The following NUBPL variants were observed in gnomAD, a reference collection of about 807,000 sequenced individuals.
NUBPL encodes iron-sulfur cluster transfer protein NUBPL.
In NUBPL, 31 loss-of-function variants were observed where a neutral mutation model predicts 45.7. The ratio of observed to expected loss-of-function variants is 0.68; its 90% confidence interval spans 0.51 to 0.92. NUBPL has a LOEUF of 0.92. Ranked by LOEUF, NUBPL falls within the 40% of genes least tolerant of loss-of-function variation. The pLI, the probability that NUBPL is intolerant of heterozygous loss-of-function variation, is 0.00. For missense variants in NUBPL, 401 were observed against 398.7 expected (o/e 1.01, Z -0.05); for synonymous variants, 144 against 140.9 (o/e 1.02, Z -0.15).
At chr14:31,745,861 C>T (rs558628060) in intron 6 of NUBPL, among the ~76,000 whole-genome samples, 3 of 152,074 alleles carry the variant, frequency 2.0e-5, no homozygotes, top group African/African-American at 7.3e-5. Flanking sequence ...ACGCTGAAAA[C>T]AGCCTCCTAA....
At chr14:31,597,552 G>T (rs550608316) in intron 3 of NUBPL, among the ~76,000 whole-genome samples, 1 of 152,180 alleles carries the variant, frequency 6.6e-6, no homozygotes, top group Admixed American at 6.5e-5. Context: ...ACTTAGTTAT[G>T]TTCTTGTTTC....
At chr14:31,589,828 T>C (rs1354512113) in intron 3 of NUBPL, among the ~76,000 whole-genome samples, 1 of 152,168 alleles carries the variant, frequency 6.6e-6, no homozygotes, top group African/African-American at 2.4e-5. Flanking sequence ...AGTAGCAATA[T>C]TGTTAGCAAT....
intron 6 of NUBPL, among the ~76,000 whole-genome samples, chr14:31,763,655 G>C (rs767585982): frequency 2.0e-5 from 3 of 152,154 alleles, no homozygotes; most frequent in Non-Finnish European, 4.4e-5. Flanking sequence ...GAATTACTGA[G>C]AGTATGTCTT....
chr14:31,745,634 G>A (rs565199369), intron 6 of NUBPL, among the ~76,000 whole-genome samples: 2 of 151,962 alleles, frequency 1.3e-5, no homozygotes, highest in African/African-American at 4.8e-5. Flanking sequence ...TGTTGATTTT[G>A]TATCCTGTTA....
In NUBPL at chr14:31,859,278, A is replaced by G; in HGVS notation, c.*98A>G. 1 of 941,438 alleles carries G rather than the reference A, an allele frequency of 1.1e-6. No homozygotes were observed. Among genetic ancestry groups the G allele is most frequent in the Non-Finnish European group, 1.7e-6 (1 of 579,112 alleles). The allele number at this position is 941,438 out of a possible 1,614,324, so 58.3% of individuals were successfully genotyped here. On this transcript the variant is annotated 3_prime_UTR_variant, in exon 11 of 11. Transcript: ENST00000281081. ...GGAACCTACAGAAATAATAGAAATC[A>G]TAACTGTTTTATTTCTAAGGAAAGA...
At chr14:31,848,473 G>A (rs561509177) in intron 9 of NUBPL, among the ~76,000 whole-genome samples, 8 of 152,120 alleles carry the variant, frequency 5.3e-5, no homozygotes, top group East Asian at 1.9e-4. Flanking sequence ...TATTTGGTAC[G>A]ATAGCTCTTG....
intron 3 of NUBPL, among the ~76,000 whole-genome samples, chr14:31,583,466 A>C (rs1172516216): frequency 7.2e-5 from 11 of 152,226 alleles, no homozygotes. Context: ...ATTTATTTAC[A>C]TCTGTGATAA....
At chr14:31,630,265 T>C (rs991398515) in intron 4 of NUBPL, among the ~76,000 whole-genome samples, 15 of 152,314 alleles carry the variant, frequency 9.8e-5, no homozygotes, top group African/African-American at 3.4e-4. Context: ...TACCTTTGTG[T>C]TTATTTTGGG....
At chr14:31,770,737 A>G (rs900241805) in intron 6 of NUBPL, among the ~76,000 whole-genome samples, 1 of 152,198 alleles carries the variant, frequency 6.6e-6, no homozygotes, top group Admixed American at 6.5e-5. Flanking sequence ...TTTCTCCTAA[A>G]GTTAGCTTGG....
chr14:31,599,083 C>T (rs1189501831), intron 3 of NUBPL, among the ~76,000 whole-genome samples: 1 of 152,034 alleles, frequency 6.6e-6, no homozygotes, highest in African/African-American at 2.4e-5. Flanking sequence ...ATTAGTAAAT[C>T]GTAAAAAGTA....
At position 31,561,462 on chromosome 14, in the gene NUBPL, T is replaced by C; in HGVS notation, c.23T>C (p.Leu8Pro). 1 of 1,419,776 alleles carries C rather than the reference T, an allele frequency of 7.0e-7. No individual in the cohort carries two copies. Among genetic ancestry groups the C allele is most frequent in the Non-Finnish European group, 9.3e-7 (1 of 1,077,144 alleles). The allele number at this position is 1,419,776 out of a possible 1,614,324, so 87.9% of individuals were successfully genotyped here. The stretch of plus-strand genomic sequence containing the variant: ...GTCATGGGGATTTGGCAGCGTCTGC[T>C]GCTTTTTGGTGGGGTGTCGCTCCGG... The part of the protein sequence containing the change: MGIWQRL[L>P]LFGGVSLRAG... Residue 8 changes from leucine to proline, a missense_variant, in exon 1 of 11, where the codon CTG (leucine) becomes CCG (proline). Coordinates refer to ENST00000281081, the MANE Select transcript of NUBPL (RefSeq NM_025152.3).
intron 6 of NUBPL, among the ~76,000 whole-genome samples, chr14:31,780,063 A>AT (rs368438625): frequency 1.9e-3 from 274 of 144,194 alleles, no homozygotes; most frequent in East Asian, 3.6e-3. Context: ...GAGAGAGCAC[A>AT]TTTTTTTTTT....
In NUBPL at chr14:31,621,517, C is replaced by T. The variant is rs927743865; in HGVS notation, c.382+22138C>T. ...CACAGTTCCTCTTGGTACAGTCTCT[C>T]ACCACTTCCCTTGGCTGGGGGAGGG... is the stretch of plus-strand genomic sequence containing the variant. On this transcript the variant is annotated intron_variant, in intron 4 of 10. Coordinates refer to ENST00000281081, the MANE Select transcript of NUBPL (RefSeq NM_025152.3). 1.1e-4 allele frequency among the ~76,000 whole-genome samples: 16 copies of T among 152,260 alleles called. No individual in the cohort carries two copies. In the East Asian group the frequency reaches 2.1e-3, roughly 20 times the overall value.
At chr14:31,651,799 T>C (rs2036012394) in intron 4 of NUBPL, among the ~76,000 whole-genome samples, 1 of 150,820 alleles carries the variant, frequency 6.6e-6, no homozygotes, top group Admixed American at 6.6e-5. Flanking sequence ...CTCAGGAGGC[T>C]GAGGTAGGAG....
At position 31,751,203 on chromosome 14, in the gene NUBPL, C is replaced by T. The variant is rs572429173; in HGVS notation, c.514-36577C>T. Among the ~76,000 whole-genome samples the T allele has an allele frequency of 3.3e-5, 5 of 152,326 alleles. No individual in the cohort carries two copies. In the South Asian group the frequency reaches 1.0e-3, roughly 32 times the overall value. ...TTGGCCCCTGGTCCCTCCCAAATCT[C>T]ATGTCCTTTTCACATTTTGAAATGC... is the stretch of plus-strand genomic sequence containing the variant. On this transcript the variant is annotated intron_variant, in intron 6 of 10. Transcript: ENST00000281081.
chr14:31,819,272 G>A (rs2039976009), intron 7 of NUBPL, among the ~76,000 whole-genome samples: 1 of 152,134 alleles, frequency 6.6e-6, no homozygotes, highest in Admixed American at 6.5e-5. Context: ...TTTGATGCAA[G>A]TATATTTCTA....
intron 7 of NUBPL, among the ~76,000 whole-genome samples, chr14:31,820,842 C>A (rs1489623479): frequency 1.4e-5 from 2 of 145,170 alleles, no homozygotes; most frequent in Admixed American, 1.4e-4. Context: ...AAAAAAAGGC[C>A]CAGCGCATTG....
At chr14:31,623,347 A>C (rs753899316) in intron 4 of NUBPL, among the ~76,000 whole-genome samples, 1 of 152,162 alleles carries the variant, frequency 6.6e-6, no homozygotes, top group Non-Finnish European at 1.5e-5. Context: ...TGGACTTCTG[A>C]GTTAATGCTG....
rs138945407 is a variant in NUBPL, at chr14:31,591,530, A to G, written c.292-7759A>G. Among the ~76,000 whole-genome samples the G allele has an allele frequency of 2.9e-3, 436 of 151,816 alleles. 2 individuals are homozygous for G. Among genetic ancestry groups the G allele is most frequent in the African/African-American group, 9.8e-3 (406 of 41,410 alleles). On this transcript the variant is annotated intron_variant, in intron 3 of 10. Transcript: ENST00000281081. The stretch of plus-strand genomic sequence containing the variant: ...TAATAGATTTTCTTTCATGAAGTCT[A>G]TTTTTTTTGGAGTTGAGGCCAGTAG...
Sources: gnomAD v4.1 joint callset for allele counts (sites outside exome capture counted in the v4.1 genomes callset) on GRCh38, gnomAD v4.1.1 for gene constraint, MANE v1.5 for transcripts, NCBI Gene and HGNC (gene_info 2026-07-23, HGNC 2026-07-21) for gene names.